The following CCNY variants were observed in gnomAD, a reference collection of about 807,000 sequenced individuals.
CCNY encodes the protein cyclin Y.
In CCNY, 19 loss-of-function variants were observed where a neutral mutation model predicts 42.8. The observed-to-expected ratio is 0.44, with a 90% confidence interval of 0.31 to 0.65. The LOEUF is 0.65. CCNY is among the 30% of genes least tolerant of loss of function. The pLI, the probability that CCNY is intolerant of heterozygous loss-of-function variation, is 0.07. For missense variants in CCNY, 370 were observed against 437.3 expected, an observed-to-expected ratio of 0.85 and a Z score of 1.37; for synonymous variants, 165 against 162.7, an observed-to-expected ratio of 1.01 and a Z score of -0.11.
At chr10:35,533,941 A>T (rs996921729) in intron 7 of CCNY, among the ~76,000 whole-genome samples, 1 of 152,204 alleles carries the variant, frequency 6.6e-6, no homozygotes, top group East Asian at 1.9e-4. Flanking sequence ...TGCCTGAAAC[A>T]TAAGGATCAT....
At chr10:35,355,537 G>A (rs1458654144) in intron 1 of CCNY, among the ~76,000 whole-genome samples, 1 of 151,792 alleles carries the variant, frequency 6.6e-6, no homozygotes, top group Non-Finnish European at 1.5e-5. Context: ...AATTAGCTGG[G>A]TGTGGTAGCG....
Position 35,422,348 on chromosome 10 carries a change from A to G in CCNY, c.155-61056A>G, listed in dbSNP as rs553421653. ...ATTCTATATAGGCAGTTGTGTTTTG[A>G]AAAAAGCATTGGACTTAGCATTAGA... On this transcript the variant is annotated intron_variant, in intron 1 of 9. Coordinates refer to ENST00000374704, the MANE Select transcript of CCNY (RefSeq NM_145012.6). Among the ~76,000 whole-genome samples, 92 of 152,266 alleles carry G rather than the reference A, an allele frequency of 6.0e-4. 1 individual carries two copies. In the South Asian group the frequency reaches 0.018, roughly 29 times the overall value.
rs182439066 is a variant in CCNY at position 35,557,734 on chromosome 10, C to T, written c.746+4549C>T. 2.0e-3 allele frequency among the ~76,000 whole-genome samples: 306 copies of T among 152,084 alleles called. 1 individual carries two copies. The highest frequency in any genetic ancestry group is 0.01 in the South Asian group (50 of 4,818). ...TCGTGCCACCGCACTCCAGCCTTAGCAACAGAGCAAGACTCCATTTTATAT... is the reference window on the plus strand; with the variant it reads ...TCGTGCCACCGCACTCCAGCCTTAGTAACAGAGCAAGACTCCATTTTATAT... On this transcript the variant is annotated intron_variant, in intron 8 of 9. Coordinates refer to ENST00000374704, the MANE Select transcript of CCNY (RefSeq NM_145012.6).
At chr10:35,468,415 ATG>A (rs1037011772) in intron 1 of CCNY, among the ~76,000 whole-genome samples, 1 of 152,174 alleles carries the variant, frequency 6.6e-6, no homozygotes, top group African/African-American at 2.4e-5. Flanking sequence ...GTGTGTGTAT[ATG>A]TGTGTGTCTC....
chr10:35,566,626 A>G (rs986704891), intron 9 of CCNY, among the ~76,000 whole-genome samples: 3 of 152,026 alleles, frequency 2.0e-5, no homozygotes, highest in African/African-American at 7.2e-5. Flanking sequence ...TACAGACGTG[A>G]GCCGCTGTGC....
rs752682909 is a variant in CCNY at position 35,530,104 on chromosome 10, G to A, written c.460-20G>A. The A allele has an allele frequency of 3.1e-6, 5 of 1,614,146 alleles. No individual in the cohort carries two copies. The East Asian group carries it at 1.1e-4, about 36-fold the overall frequency. On this transcript the variant is annotated intron_variant, in intron 6 of 9. Transcript: ENST00000374704. This position sits in a 1 kb window ranked among gnomAD's most constrained non-coding sequence, Gnocchi z 4.3. ...GCTCCAATCGGGAGATCAGTCATCT[G>A]AAAATATTTTCTTCCCCAGAAATCC...
intron 1 of CCNY, among the ~76,000 whole-genome samples, chr10:35,398,187 C>T (rs1026563588): frequency 5.3e-5 from 8 of 152,212 alleles, no homozygotes; most frequent in Non-Finnish European, 8.8e-5. Context: ...GAGCCACCCC[C>T]TGGAGCCTAG....
chr10:35,486,295 A>T (rs1839786104), intron 2 of CCNY, among the ~76,000 whole-genome samples: 1 of 152,196 alleles, frequency 6.6e-6, no homozygotes, highest in Non-Finnish European at 1.5e-5. Flanking sequence ...GAGTATTTAC[A>T]CCATGGAAAT....
intron 1 of CCNY, among the ~76,000 whole-genome samples, chr10:35,463,369 G>A (rs986620190): frequency 2.0e-5 from 3 of 152,210 alleles, no homozygotes; most frequent in Non-Finnish European, 2.9e-5. Flanking sequence ...GAAAGCATCT[G>A]TTACCTCAGT....
chr10:35,425,007 T>G (rs1838236000), intron 1 of CCNY, among the ~76,000 whole-genome samples: 1 of 152,198 alleles, frequency 6.6e-6, no homozygotes, highest in African/African-American at 2.4e-5. Context: ...CAATGGCTGC[T>G]TCCAAAGAGG....
chr10:35,383,100 T>C (rs1230264110), intron 1 of CCNY, among the ~76,000 whole-genome samples: 3 of 152,144 alleles, frequency 2.0e-5, no homozygotes, highest in African/African-American at 4.8e-5. Flanking sequence ...GAACTGCCTT[T>C]TTCTGTATCT....
intron 1 of CCNY, among the ~76,000 whole-genome samples, chr10:35,426,123 A>G (rs893343915): frequency 7.0e-5 from 9 of 129,094 alleles, no homozygotes; most frequent in East Asian, 2.0e-4. Flanking sequence ...ACACACACAC[A>G]CACACACACA....
At chr10:35,464,910 T>G (rs1839226342) in intron 1 of CCNY, among the ~76,000 whole-genome samples, 1 of 152,230 alleles carries the variant, frequency 6.6e-6, no homozygotes, top group Non-Finnish European at 1.5e-5. Flanking sequence ...CAACAGCAGA[T>G]TTCATAAATA....
At chr10:35,529,878 A>G in intron 5 of CCNY, 95 bp from the exon 6 acceptor site, 1 of 1,313,698 alleles carries the variant, frequency 7.6e-7, no homozygotes, top group Non-Finnish European at 1.1e-6. Context: ...TCCCAAAAAA[A>G]AAAAAAAAGT....
chr10:35,412,792 C>T (rs1189806433), intron 1 of CCNY, among the ~76,000 whole-genome samples: 9 of 126,348 alleles, frequency 7.1e-5, no homozygotes, highest in Admixed American at 5.1e-4. Context: ...ACCCAGGAGG[C>T]GGAGGTTGCA....
At chr10:35,563,586 G>T (rs1248937743) in intron 8 of CCNY, among the ~76,000 whole-genome samples, 1 of 152,122 alleles carries the variant, frequency 6.6e-6, no homozygotes, top group Non-Finnish European at 1.5e-5. Flanking sequence ...CTTTCGTTTT[G>T]TTGAAGTCTT....
At chr10:35,278,433 G>A (rs1033232647) in intron 3 of CCNY, among the ~76,000 whole-genome samples, 1 of 152,046 alleles carries the variant, frequency 6.6e-6, no homozygotes, top group Non-Finnish European at 1.5e-5. Context: ...TAGTGATGGG[G>A]TCCCTACTGC....
intron 3 of CCNY, among the ~76,000 whole-genome samples, chr10:35,307,699 T>TATATATGTATATATATACACACACAC: frequency 6.6e-6 from 1 of 151,184 alleles, no homozygotes; most frequent in Admixed American, 6.6e-5. Flanking sequence ...TCTACACGTG[T>TATATATGTATATATATACACACACAC]ATATATGTAT....
intron 3 of CCNY, among the ~76,000 whole-genome samples, chr10:35,312,747 CTTTTTTT>C (rs10688043): frequency 2.7e-5 from 3 of 112,158 alleles, no homozygotes; most frequent in African/African-American, 6.9e-5. Context: ...TTCCTTTTTA[CTTTTTTT>C]TTTTTTTTTT....
Sources: gnomAD v4.1 joint callset for allele counts (sites outside exome capture counted in the v4.1 genomes callset) on GRCh38, gnomAD v4.1.1 for gene constraint, Gnocchi (gnomAD v3.1) non-coding constraint, MANE v1.5 for transcripts, NCBI Gene and HGNC (gene_info 2026-07-23, HGNC 2026-07-21) for gene names.